Variants in PIK3R3 observed in about 807,000 individuals in gnomAD.
PIK3R3 encodes the protein phosphoinositide-3-kinase regulatory subunit 3.
PIK3R3 carries 64 observed loss-of-function variants against 62.9 expected under a neutral mutation model. The observed-to-expected ratio is 1.02, with a 90% CI of 0.83 to 1.25. The LOEUF (loss-of-function observed/expected upper bound fraction) is 1.25. Among genes scored for constraint, PIK3R3 ranks in the 50% most tolerant of loss-of-function variants. The pLI, the probability that PIK3R3 is intolerant of heterozygous loss-of-function variation, is 0.00. For missense variants in PIK3R3, 614 were observed against 561.6 expected (o/e 1.09, Z -0.94); for synonymous variants, 165 against 189.0 (o/e 0.87, Z 1.04).
In PIK3R3 at chr1:46,132,619, A is replaced by G. The variant is rs1404878452; in HGVS notation, c.-667T>C. ...CAACCCGACCGCACCAACTGCCCTC[A>G]AGCTCTGCCCGGACTCCAGCCACTA... On this transcript the variant is annotated 5_prime_UTR_variant, in exon 1 of 10. Coordinates refer to ENST00000262741, the MANE Select transcript of PIK3R3 (RefSeq NM_003629.4). 10 of 1,289,460 alleles carry G rather than the reference A, an allele frequency of 7.8e-6. No homozygotes were observed. Among genetic ancestry groups the G allele is most frequent in the Non-Finnish European group, 7.1e-6 (7 of 988,756 alleles). The allele number at this position is 1,289,460 out of a possible 1,614,324, so 79.9% of individuals were successfully genotyped here. A position where few individuals can be genotyped will look rare whatever the true frequency, so the allele number is the denominator to read the frequency against.
intron 7 of PIK3R3, 115 bp downstream of exon 7, chr1:46,055,680 A>T: frequency 1.4e-6 from 1 of 709,806 alleles, no homozygotes; most frequent in Non-Finnish European, 2.3e-6. Context: ...TTACCATCTT[A>T]CTGGCCAATT....
rs1647100167 is a variant in PIK3R3 at position 46,045,806 on chromosome 1, T to C, written c.1187+112A>G. The C allele has an allele frequency of 8.9e-6, 8 of 899,544 alleles. No individual in the cohort carries two copies. The East Asian group carries it at 2.0e-4, about 22-fold the overall frequency. The allele number at this position is 899,544 out of a possible 1,614,324, so 55.7% of individuals were successfully genotyped here. ...GTACTAATAGTTATGGTCCGAGCCA[T>C]GGGTCCTCGTTACTGTACATTAACT... On this transcript the variant is annotated intron_variant, in intron 9 of 9. Transcript: ENST00000262741.
chr1:46,103,810 G>A (rs1652934916), intron 1 of PIK3R3, among the ~76,000 whole-genome samples: 1 of 151,858 alleles, frequency 6.6e-6, no homozygotes, highest in African/African-American at 2.4e-5. Flanking sequence ...TGGCCAGGCT[G>A]GTCTCAAACT....
chr1:46,133,239 A>G (rs1302545544), upstream of PIK3R3, among the ~76,000 whole-genome samples: 2 of 152,220 alleles, frequency 1.3e-5, no homozygotes, highest in Non-Finnish European at 2.9e-5. Flanking sequence ...AGAAAGGAAG[A>G]AAACGCAAAC....
At chr1:46,107,428 T>C (rs962038255) in intron 1 of PIK3R3, among the ~76,000 whole-genome samples, 1 of 151,720 alleles carries the variant, frequency 6.6e-6, no homozygotes, top group Admixed American at 6.6e-5. Context: ...TACTAGACTA[T>C]TACAGAGTAC....
intron 1 of PIK3R3, among the ~76,000 whole-genome samples, chr1:46,088,522 T>C (rs1301831855): frequency 6.6e-6 from 1 of 152,108 alleles, no homozygotes; most frequent in Non-Finnish European, 1.5e-5. Flanking sequence ...AGCCCTTATA[T>C]ATTAAAATTA....
rs781768301 is a variant in PIK3R3, at chr1:46,131,973, G to T, written c.-21C>A. ...TACATCGCGCTGTCAGGGGCAGGTC[G>T]CCAGGAGATATATAGAAGGCATATA... On this transcript the variant is annotated 5_prime_UTR_variant, in exon 1 of 10. Coordinates refer to ENST00000262741, the MANE Select transcript of PIK3R3 (RefSeq NM_003629.4). The T allele has an allele frequency of 6.2e-7, 1 of 1,611,664 alleles. No individual in the cohort carries two copies. Among genetic ancestry groups the T allele is most frequent in the South Asian group, 1.1e-5 (1 of 90,478 alleles).
chr1:46,114,854 A>G (rs959745287), intron 1 of PIK3R3, among the ~76,000 whole-genome samples: 2 of 149,716 alleles, frequency 1.3e-5, no homozygotes, highest in African/African-American at 4.9e-5. Context: ...GACTCACGTA[A>G]TCCTCCCGCC....
At chr1:46,166,225 CTTTTCTTTT>C in the PIK3R3 span, among the ~76,000 whole-genome samples, 1 of 148,988 alleles carries the variant, frequency 6.7e-6, no homozygotes, top group South Asian at 2.2e-4. Flanking sequence ...CTTTTCTTTT[CTTTTCTTTT>C]TTTTTCTGAG....
At chr1:46,099,040 A>G (rs568505789) in intron 1 of PIK3R3, among the ~76,000 whole-genome samples, 4 of 152,284 alleles carry the variant, frequency 2.6e-5, no homozygotes, top group East Asian at 3.9e-4. Flanking sequence ...TTTTGGGGTG[A>G]TAAGAATGTT....
Position 46,071,730 on chromosome 1 carries a change from T to TATAG in PIK3R3, c.315-4640_315-4639insCTAT, listed in dbSNP as rs1163343399. The stretch of plus-strand genomic sequence containing the variant: ...AAAAAAAAATATATATATATATATA[T>TATAG]AGAGAGAGAGAGAGAGAGAGAGAGA... On this transcript the variant is annotated intron_variant, in intron 3 of 9. Coordinates refer to ENST00000262741, the MANE Select transcript of PIK3R3 (RefSeq NM_003629.4). Among the ~76,000 whole-genome samples the TATAG allele has an allele frequency of 1.7e-4, 10 of 59,062 alleles. 1 individual carries two copies. In the South Asian group the frequency reaches 2.3e-3, roughly 13 times the overall value. 38.7% of individuals were successfully genotyped at this position (59,062 alleles called of 152,430 possible). A position where few individuals can be genotyped will look rare whatever the true frequency, so the allele number is the denominator to read the frequency against.
chr1:46,092,653 G>A (rs557400170), intron 1 of PIK3R3, among the ~76,000 whole-genome samples: 9 of 152,068 alleles, frequency 5.9e-5, no homozygotes, highest in African/African-American at 1.9e-4. Flanking sequence ...GTGAGCCACC[G>A]CGCTTGGCCC....
chr1:46,167,120 C>T, the PIK3R3 span, among the ~76,000 whole-genome samples: 1 of 152,270 alleles, frequency 6.6e-6, no homozygotes, highest in Non-Finnish European at 1.5e-5. Context: ...GGGAAGGCAC[C>T]CCCAATTCTG....
chr1:46,165,750 C>CTTTT, the PIK3R3 span, among the ~76,000 whole-genome samples: 1 of 81,798 alleles, frequency 1.2e-5, no homozygotes, highest in Non-Finnish European at 2.6e-5. Context: ...GCTGCTTTGT[C>CTTTT]CTTTTTTTTT....
At chr1:46,101,757 ACAGAATTTAC>A (rs1652700095) in intron 1 of PIK3R3, among the ~76,000 whole-genome samples, 2 of 152,214 alleles carry the variant, frequency 1.3e-5, no homozygotes, top group Admixed American at 1.3e-4. Flanking sequence ...AGGAAGTTGA[ACAGAATTTAC>A]CAGGAGCTGA....
At chr1:46,046,158 C>A in intron 8 of PIK3R3, 70 bp from the exon 9 acceptor site, 1 of 925,532 alleles carries the variant, frequency 1.1e-6, no homozygotes, top group Non-Finnish European at 1.6e-6. Context: ...ATAAATAAAA[C>A]ACTCTTCTAA....
intron 1 of PIK3R3, among the ~76,000 whole-genome samples, chr1:46,099,383 T>C (rs1652445931): frequency 6.6e-6 from 1 of 152,192 alleles, no homozygotes; most frequent in South Asian, 2.1e-4. Flanking sequence ...TTTAGATTCC[T>C]TGGAATGCAA....
At chr1:46,078,099 T>C (rs1287753314) in intron 2 of PIK3R3, among the ~76,000 whole-genome samples, 1 of 152,166 alleles carries the variant, frequency 6.6e-6, no homozygotes, top group African/African-American at 2.4e-5. Context: ...AGAGTTGATT[T>C]AGGACTTTAA....
intron 1 of PIK3R3, among the ~76,000 whole-genome samples, chr1:46,085,960 G>A (rs1011312812): frequency 1.3e-5 from 2 of 152,024 alleles, no homozygotes; most frequent in Admixed American, 6.5e-5. Flanking sequence ...AGCTGGTCTC[G>A]ATCTCCTGGC....
Sources: gnomAD v4.1 joint callset for allele counts (sites outside exome capture counted in the v4.1 genomes callset) on GRCh38, gnomAD v4.1.1 for gene constraint, MANE v1.5 for transcripts, NCBI Gene and HGNC (gene_info 2026-07-23, HGNC 2026-07-21) for gene names.